The following ULK4 variants were observed in gnomAD, a reference collection of about 807,000 sequenced individuals.
The protein encoded by ULK4 is inactive serine/threonine-protein kinase ULK4.
Under a neutral mutation model 160.6 loss-of-function variants are expected in ULK4, and 133 were observed. That is an observed-to-expected ratio of 0.83 (90% CI 0.72 to 0.96). The LOEUF (loss-of-function observed/expected upper bound fraction) is 0.96. Ranked by LOEUF, ULK4 falls within the 40% of genes least tolerant of loss-of-function variation. The probability of loss-of-function intolerance (pLI) is 0.00; values close to 1 mark genes in which losing one functional copy is unlikely to be tolerated. For synonymous variants in ULK4, 534 were observed against 539.8 expected (o/e 0.99, Z 0.15); for missense variants, 1,580 against 1,499.5 (o/e 1.05, Z -0.89).
chr3:41,355,219 T>C (rs1223857554), intron 35 of ULK4, among the ~76,000 whole-genome samples: 2 of 152,118 alleles, frequency 1.3e-5, no homozygotes, highest in East Asian at 1.9e-4. Flanking sequence ...CAGAGATGCT[T>C]TGAGGTGGAA....
At chr3:41,252,137 G>T (rs957347323) in intron 35 of ULK4, among the ~76,000 whole-genome samples, 4 of 152,148 alleles carry the variant, frequency 2.6e-5, no homozygotes, top group Non-Finnish European at 4.4e-5. Flanking sequence ...AACCTAATCA[G>T]CATGATTGCT....
chr3:41,470,154 A>C (rs780143736), intron 32 of ULK4, among the ~76,000 whole-genome samples: 1 of 152,050 alleles, frequency 6.6e-6, no homozygotes, highest in Non-Finnish European at 1.5e-5. Flanking sequence ...AGTAAACCAA[A>C]AGAAGAGTTC....
intron 31 of ULK4, among the ~76,000 whole-genome samples, chr3:41,588,061 C>T (rs2030964836): frequency 6.6e-6 from 1 of 152,132 alleles, no homozygotes; most frequent in Admixed American, 6.5e-5. Flanking sequence ...TGAAATCAGG[C>T]TTTGGCCAGA....
intron 14 of ULK4, among the ~76,000 whole-genome samples, chr3:41,897,314 A>C (rs1451852416): frequency 1.3e-5 from 2 of 152,246 alleles, no homozygotes; most frequent in Non-Finnish European, 2.9e-5. Context: ...CAACTGGAGT[A>C]AAAGACAAAA....
chr3:41,650,736 G>A (rs73069325), intron 30 of ULK4, among the ~76,000 whole-genome samples: 21,457 of 152,176 alleles, frequency 0.14, 1,935 homozygotes, highest in Middle Eastern at 0.22. Flanking sequence ...AAACTCAGGC[G>A]AAGGCGCCAG....
chr3:41,287,269 AG>A (rs2079478674), intron 35 of ULK4, among the ~76,000 whole-genome samples: 1 of 152,202 alleles, frequency 6.6e-6, no homozygotes. Context: ...TGAGTAAAGG[AG>A]TTAGGGACTT....
chr3:41,937,257 G>A, intron 3 of ULK4: 3 of 640,494 alleles, frequency 4.7e-6, no homozygotes, highest in South Asian at 3.5e-5. Flanking sequence ...AACAACAGCT[G>A]AAGCAAAAAA....
At chr3:41,591,230 A>G (rs1456600327) in intron 31 of ULK4, among the ~76,000 whole-genome samples, 2 of 152,232 alleles carry the variant, frequency 1.3e-5, no homozygotes, top group East Asian at 3.8e-4. Context: ...TAAAAATTGT[A>G]ATCAGTGAAT....
chr3:41,677,332 A>AT (rs199498760), intron 29 of ULK4, among the ~76,000 whole-genome samples: 12,245 of 128,476 alleles, frequency 0.095, 876 homozygotes, highest in African/African-American at 0.2. Context: ...AAGTTCATTC[A>AT]TTTTTTTTTT....
At chr3:41,802,349 G>A (rs1301356412) in intron 19 of ULK4, among the ~76,000 whole-genome samples, 2 of 152,178 alleles carry the variant, frequency 1.3e-5, no homozygotes, top group Non-Finnish European at 2.9e-5. Flanking sequence ...CCAGACTGAA[G>A]TACAATGGCA....
chr3:41,713,690 C>T (rs1444808702), intron 25 of ULK4, among the ~76,000 whole-genome samples: 1 of 152,036 alleles, frequency 6.6e-6, no homozygotes, highest in African/African-American at 2.4e-5. Context: ...CCTAAAGGTG[C>T]CTATATTGAA....
chr3:41,404,822 T>C (rs1479722352), intron 34 of ULK4, among the ~76,000 whole-genome samples: 2 of 152,218 alleles, frequency 1.3e-5, no homozygotes, highest in South Asian at 2.1e-4. Context: ...AAGAAGGCCC[T>C]TGACAGATGC....
chr3:41,567,528 C>T (rs969307548), intron 31 of ULK4, among the ~76,000 whole-genome samples: 2 of 144,804 alleles, frequency 1.4e-5, no homozygotes, highest in African/African-American at 5.0e-5. Context: ...GCTCACTGAA[C>T]CTCCACCTCC....
At chr3:41,467,245 C>T (rs572511007) in intron 32 of ULK4, among the ~76,000 whole-genome samples, 4 of 152,216 alleles carry the variant, frequency 2.6e-5, no homozygotes, top group South Asian at 2.1e-4. Context: ...CTCCAAACTG[C>T]GGCCAGGCAC....
intron 17 of ULK4, among the ~76,000 whole-genome samples, chr3:41,860,783 G>T (rs546063009): frequency 6.7e-6 from 1 of 149,474 alleles, no homozygotes; most frequent in African/African-American, 2.4e-5. Context: ...GTTGTTTTGT[G>T]ATCTTCTCTT....
At chr3:41,912,153 C>G (rs1269817784) in intron 9 of ULK4, among the ~76,000 whole-genome samples, 2 of 152,024 alleles carry the variant, frequency 1.3e-5, no homozygotes, top group African/African-American at 4.8e-5. Context: ...CATGGTGAAA[C>G]CCTGTCTCTA....
At chr3:41,716,216 A>AAATAATAATAAT (rs61340837) in intron 23 of ULK4, among the ~76,000 whole-genome samples, 3,196 of 139,184 alleles carry the variant, frequency 0.023, 95 homozygotes, top group African/African-American at 0.067. Context: ...CTGTCTCACA[A>AAATAATAATAAT]AATAATAATA....
At chr3:41,699,898 T>C (rs1467919674) in intron 27 of ULK4, among the ~76,000 whole-genome samples, 1 of 152,256 alleles carries the variant, frequency 6.6e-6, no homozygotes, top group Non-Finnish European at 1.5e-5. Flanking sequence ...ATTAGTATGC[T>C]TGCATTTCAT....
intron 34 of ULK4, among the ~76,000 whole-genome samples, chr3:41,432,163 AGTATACATACATTG>A (rs1381631795): frequency 6.6e-6 from 1 of 152,228 alleles, no homozygotes; most frequent in Admixed American, 6.5e-5. Context: ...TTACAAATGT[AGTATACATACATTG>A]GAAGAGGCTG....
Sources: gnomAD v4.1 joint callset for allele counts (sites outside exome capture counted in the v4.1 genomes callset) on GRCh38, gnomAD v4.1.1 for gene constraint, MANE v1.5 for transcripts, NCBI Gene and HGNC (gene_info 2026-07-23, HGNC 2026-07-21) for gene names.